The following ARGLU1 variants were observed in gnomAD, a reference collection of about 807,000 sequenced individuals.
The protein encoded by ARGLU1 is arginine and glutamate rich 1.
ARGLU1 carries 9 observed loss-of-function variants against 37.6 expected under a neutral mutation model. That is an observed-to-expected ratio of 0.24 (90% CI 0.14 to 0.42). ARGLU1 has a LOEUF of 0.42. Ranked by LOEUF, ARGLU1 falls within the 10% of genes least tolerant of loss-of-function variation. The pLI, the probability that ARGLU1 is intolerant of heterozygous loss-of-function variation, is 1.00. For synonymous variants in ARGLU1, 166 were observed against 138.5 expected (o/e 1.20, Z -1.39); for missense variants, 211 against 359.2 (o/e 0.59, Z 3.34).
In ARGLU1 at chr13:106,553,261, A is replaced by G. The variant is rs367941922; in HGVS notation, c.657+3787T>C. ...AGTATATGTTTCTCAAAATAAAAGG[A>G]TCATATTGGATATATAAATTTTGTA... On this transcript the variant is annotated intron_variant, in intron 3 of 3. Coordinates refer to ENST00000400198, the MANE Select transcript of ARGLU1 (RefSeq NM_018011.4). Among the ~76,000 whole-genome samples, 140 of 152,312 alleles carry G rather than the reference A, an allele frequency of 9.2e-4. 1 individual carries two copies. Among genetic ancestry groups the G allele is most frequent in the African/African-American group, 3.2e-3 (132 of 41,574 alleles).
rs1880324199 is a variant in ARGLU1, at chr13:106,543,841, A to G, written c.*155T>C. On this transcript the variant is annotated 3_prime_UTR_variant, in exon 4 of 4. Transcript: ENST00000400198. ...TAGTGGAAGGAAAAAAAAAAAAAAA[A>G]AGGGAATTGCAGAGCATAGCCCCTA... 6.7e-6 allele frequency: 4 copies of G among 593,340 alleles called. No individual in the cohort carries two copies. The African/African-American group carries it at 7.9e-5, about 12-fold the overall frequency. 36.8% of individuals were successfully genotyped at this position (593,340 alleles called of 1,614,324 possible).
Position 106,543,955 on chromosome 13 carries a change from G to C in ARGLU1, c.*41C>G, listed in dbSNP as rs763777376. Reference sequence around the variant, plus strand: ...CTTCAACATGAAGCTACCATACAAAGTTTTTCCATTTTTCTTTGTAAAAAG... The same window carrying C: ...CTTCAACATGAAGCTACCATACAAACTTTTTCCATTTTTCTTTGTAAAAAG... On this transcript the variant is annotated 3_prime_UTR_variant, in exon 4 of 4. Coordinates refer to ENST00000400198, the MANE Select transcript of ARGLU1 (RefSeq NM_018011.4). 8.5e-6 allele frequency: 13 copies of C among 1,537,130 alleles called. No individual in the cohort carries two copies. The highest frequency in any genetic ancestry group is 1.4e-5 in the African/African-American group (1 of 69,440).
chr13:106,544,275 A>G (rs1357626343), intron 3 of ARGLU1, 115 bp from the exon 4 acceptor site: 3 of 835,166 alleles, frequency 3.6e-6, no homozygotes, highest in Non-Finnish European at 3.4e-6. Context: ...TGCAAATGCA[A>G]AAAAGGGGGT....
chr13:106,556,828 A>G (rs536948222), intron 3 of ARGLU1, among the ~76,000 whole-genome samples: 14 of 152,322 alleles, frequency 9.2e-5, no homozygotes, highest in Admixed American at 4.6e-4. Context: ...TTTCCCCAGA[A>G]AACTTGTTTT....
At chr13:106,549,214 G>A (rs924251339) in intron 3 of ARGLU1, among the ~76,000 whole-genome samples, 10 of 152,162 alleles carry the variant, frequency 6.6e-5, no homozygotes, top group African/African-American at 2.4e-4. Flanking sequence ...TGAAATATAT[G>A]TAACTTTATA....
chr13:106,563,627 C>G (rs1224100234), intron 1 of ARGLU1, among the ~76,000 whole-genome samples: 1 of 152,166 alleles, frequency 6.6e-6, no homozygotes, highest in Non-Finnish European at 1.5e-5. Flanking sequence ...AACATAGTGA[C>G]TCTGTCTCTA....
intron 3 of ARGLU1, among the ~76,000 whole-genome samples, chr13:106,547,257 C>T (rs1347903519): frequency 1.3e-5 from 2 of 152,184 alleles, no homozygotes; most frequent in African/African-American, 4.8e-5. Context: ...TGGACTAACA[C>T]ACATATGCTA....
rs1881033477 is a variant in ARGLU1 at position 106,568,129 on chromosome 13, G to A, written c.-210C>T. 5.7e-6 allele frequency: 4 copies of A among 696,458 alleles called. No homozygotes were observed. Among genetic ancestry groups the A allele is most frequent in the Non-Finnish European group, 6.6e-6 (3 of 454,340 alleles). The allele number at this position is 696,458 out of a possible 1,614,324, so 43.1% of individuals were successfully genotyped here. A position where few individuals can be genotyped will look rare whatever the true frequency, so the allele number is the denominator to read the frequency against. ...CCGTAGCGCCAGGCGCCCCTAAGAT[G>A]GCAGCTGCGGCTGCACCGGCCGCCC... On this transcript the variant is annotated 5_prime_UTR_variant, in exon 1 of 4. Coordinates refer to ENST00000400198, the MANE Select transcript of ARGLU1 (RefSeq NM_018011.4).
At chr13:106,549,405 A>C (rs551563100) in intron 3 of ARGLU1, among the ~76,000 whole-genome samples, 5 of 152,292 alleles carry the variant, frequency 3.3e-5, no homozygotes, top group African/African-American at 1.2e-4. Flanking sequence ...CTTCCCTTCC[A>C]TAACTTTTTA....
chr13:106,560,793 A>T (rs1020414652), intron 1 of ARGLU1, among the ~76,000 whole-genome samples: 6 of 152,240 alleles, frequency 3.9e-5, no homozygotes, highest in African/African-American at 1.4e-4. Context: ...TAAAACCTGC[A>T]ACCTTTATCT....
chr13:106,559,195 T>C, intron 2 of ARGLU1: 3 of 1,477,502 alleles, frequency 2.0e-6, no homozygotes, highest in Non-Finnish European at 2.7e-6. Flanking sequence ...AAATAGCCAG[T>C]TCCATTAAAT....
chr13:106,562,717 C>T (rs904164173), intron 1 of ARGLU1, among the ~76,000 whole-genome samples: 14 of 152,026 alleles, frequency 9.2e-5, no homozygotes, highest in East Asian at 1.9e-4. Flanking sequence ...TCAGGCTGGG[C>T]GCGGTGGCTC....
At chr13:106,555,449 C>T (rs1489684843) in intron 3 of ARGLU1, among the ~76,000 whole-genome samples, 1 of 152,172 alleles carries the variant, frequency 6.6e-6, no homozygotes, top group Non-Finnish European at 1.5e-5. Flanking sequence ...GCATGGCCCA[C>T]AGACCACTTA....
intron 3 of ARGLU1, among the ~76,000 whole-genome samples, chr13:106,546,171 T>C (rs963661108): frequency 2.6e-5 from 4 of 152,232 alleles, no homozygotes; most frequent in Non-Finnish European, 4.4e-5. Context: ...ATATCTTTTG[T>C]ACATCTAAAA....
rs1315553730 is a variant in ARGLU1, at chr13:106,558,378, G to A, written c.573+1054C>T. On this transcript the variant is annotated intron_variant, in intron 2 of 3. Transcript: ENST00000400198. ...AGCTAAGCTTACCAGAAAGCAAAGA[G>A]ATTTAATATGTCAACTTGTCCACAA... 5.1e-6 allele frequency: 5 copies of A among 985,200 alleles called. No individual in the cohort carries two copies. The East Asian group carries it at 5.7e-4, about 112-fold the overall frequency. 61.0% of individuals were successfully genotyped at this position (985,200 alleles called of 1,614,324 possible). A position where few individuals can be genotyped will look rare whatever the true frequency, so the allele number is the denominator to read the frequency against.
chr13:106,551,944 A>ATACT (rs1206530148), intron 3 of ARGLU1, among the ~76,000 whole-genome samples: 1 of 152,204 alleles, frequency 6.6e-6, no homozygotes, highest in Non-Finnish European at 1.5e-5. Flanking sequence ...CCATTGCAAG[A>ATACT]TACTTAATCA....
At chr13:106,558,713 T>C in intron 2 of ARGLU1, 2 of 985,446 alleles carry the variant, frequency 2.0e-6, no homozygotes, top group Non-Finnish European at 2.4e-6. Flanking sequence ...ATCATGTGTT[T>C]AGCTTGACTC....
intron 3 of ARGLU1, among the ~76,000 whole-genome samples, chr13:106,545,948 AC>A (rs1880379233): frequency 6.6e-6 from 1 of 152,198 alleles, no homozygotes; most frequent in Non-Finnish European, 1.5e-5. Flanking sequence ...GAGACCTAGG[AC>A]TTGCTTCAAA....
At position 106,548,215 on chromosome 13, in the gene ARGLU1, C is replaced by T. The variant is rs78759755; in HGVS notation, c.658-4055G>A. 6.8e-3 allele frequency among the ~76,000 whole-genome samples: 1,031 copies of T among 152,296 alleles called. 4 individuals carry two copies. Among genetic ancestry groups the T allele is most frequent in the African/African-American group, 0.012 (516 of 41,560 alleles). On this transcript the variant is annotated intron_variant, in intron 3 of 3. Transcript: ENST00000400198. ...CTATTCAAACACTAACAACCGTCAT[C>T]TCTCATTTTAATATAGTCTCTCAAG... is the stretch of plus-strand genomic sequence containing the variant.
Sources: gnomAD v4.1 joint callset for allele counts (sites outside exome capture counted in the v4.1 genomes callset) on GRCh38, gnomAD v4.1.1 for gene constraint, MANE v1.5 for transcripts, NCBI Gene and HGNC (gene_info 2026-07-23, HGNC 2026-07-21) for gene names.